Variants in AGTPBP1 observed in about 807,000 individuals in gnomAD.
AGTPBP1 encodes the protein cytosolic carboxypeptidase 1.
Under a neutral mutation model 143.9 loss-of-function variants are expected in AGTPBP1, and 70 were observed. That is an observed-to-expected ratio of 0.49 (90% confidence interval 0.40 to 0.59). The LOEUF (loss-of-function observed/expected upper bound fraction) is 0.59. Among genes scored for constraint, AGTPBP1 ranks in the 20% least tolerant of loss-of-function variants. AGTPBP1 has a pLI of 0.00. For synonymous variants in AGTPBP1, 463 were observed against 500.2 expected, an observed-to-expected ratio of 0.93 and a Z score of 0.99; for missense variants, 1,229 against 1,464.5, an observed-to-expected ratio of 0.84 and a Z score of 2.62.
At chr9:85,747,009 A>C (rs1824593161), upstream of AGTPBP1, among the ~76,000 whole-genome samples, 1 of 151,544 alleles carries the variant, frequency 6.6e-6, no homozygotes, top group South Asian at 2.1e-4. Flanking sequence ...GCATACCACC[A>C]CACCTGGCTA....
the AGTPBP1 span, among the ~76,000 whole-genome samples, chr9:85,797,375 C>T: frequency 2.3e-3 from 349 of 152,246 alleles, 1 homozygote; most frequent in African/African-American, 8.2e-3. Context: ...TCCCAAAATG[C>T]TGGGATTACA....
intron 25 of AGTPBP1, among the ~76,000 whole-genome samples, chr9:85,571,956 CAAAAG>C (rs889585097): frequency 1.5e-4 from 21 of 138,424 alleles, no homozygotes; most frequent in African/African-American, 5.1e-4. Flanking sequence ...AGTAAAATCT[CAAAAG>C]AAAACTGAAT....
chr9:85,741,448 G>C (rs1824267797), intron 1 of AGTPBP1: 1 of 985,184 alleles, frequency 1.0e-6, no homozygotes, highest in African/African-American at 1.7e-5. Flanking sequence ...AGAAAGGGCT[G>C]AGCAGAAAGG....
intron 25 of AGTPBP1, among the ~76,000 whole-genome samples, chr9:85,548,023 A>C (rs1198441964): frequency 1.3e-5 from 2 of 152,156 alleles, no homozygotes; most frequent in Non-Finnish European, 2.9e-5. Context: ...ACACCCCCCC[A>C]CACAAAATAT....
rs568637955 is a variant in AGTPBP1 at position 85,720,205 on chromosome 9, T to C, written c.-33-7639A>G. ...TGAGTTAGGGAGGATTCCCTCTTTT[T>C]CTATTGATTGGAACAGTTTCAGAAG... On this transcript the variant is annotated intron_variant, in intron 1 of 25. Coordinates refer to ENST00000357081, the MANE Select transcript of AGTPBP1 (RefSeq NM_001330701.2). Among the ~76,000 whole-genome samples, 6 of 152,346 alleles carry C rather than the reference T, an allele frequency of 3.9e-5. No homozygotes were observed. The East Asian group carries it at 1.2e-3, about 29-fold the overall frequency.
At chr9:85,737,950 T>C (rs1204632462) in intron 1 of AGTPBP1, among the ~76,000 whole-genome samples, 1 of 152,138 alleles carries the variant, frequency 6.6e-6, no homozygotes, top group Non-Finnish European at 1.5e-5. Context: ...CATATTGCAA[T>C]AGACTGGATG....
the AGTPBP1 span, among the ~76,000 whole-genome samples, chr9:85,795,613 G>A: frequency 6.6e-6 from 1 of 152,104 alleles, no homozygotes; most frequent in Non-Finnish European, 1.5e-5. Flanking sequence ...AAAGTAAAGA[G>A]GAATATAATG....
chr9:85,658,572 A>G (rs1189132387), intron 9 of AGTPBP1, among the ~76,000 whole-genome samples: 2 of 152,082 alleles, frequency 1.3e-5, no homozygotes, highest in Non-Finnish European at 2.9e-5. Context: ...ACAAGGAAAT[A>G]CTAATCTCTT....
chr9:85,694,871 C>CT (rs1836126757), intron 2 of AGTPBP1, among the ~76,000 whole-genome samples: 1 of 152,232 alleles, frequency 6.6e-6, no homozygotes, highest in Non-Finnish European at 1.5e-5. Flanking sequence ...CTCTTCCAAT[C>CT]TTAACCTTTA....
At chr9:85,586,019 C>A (rs1475009975) in intron 22 of AGTPBP1, among the ~76,000 whole-genome samples, 3 of 152,108 alleles carry the variant, frequency 2.0e-5, no homozygotes, top group Non-Finnish European at 4.4e-5. Flanking sequence ...TCGACGCCAG[C>A]CTGACCAACA....
chr9:85,762,448 A>C, the AGTPBP1 span, among the ~76,000 whole-genome samples: 1 of 152,240 alleles, frequency 6.6e-6, no homozygotes, highest in African/African-American at 2.4e-5. Context: ...GGCATAAAAA[A>C]TGATGAGTTC....
At chr9:85,758,712 G>A in the AGTPBP1 span, among the ~76,000 whole-genome samples, 2 of 152,126 alleles carry the variant, frequency 1.3e-5, no homozygotes, top group Admixed American at 6.5e-5. Flanking sequence ...CAAGTTAATA[G>A]AAAGTAGGAG....
At chr9:85,648,632 G>A (rs1287946619) in intron 11 of AGTPBP1, among the ~76,000 whole-genome samples, 2 of 152,160 alleles carry the variant, frequency 1.3e-5, no homozygotes, top group Non-Finnish European at 2.9e-5. Context: ...CTAACACAGT[G>A]AAACCCCGTC....
intron 13 of AGTPBP1, among the ~76,000 whole-genome samples, chr9:85,640,374 C>T (rs1172111419): frequency 6.6e-6 from 1 of 152,216 alleles, no homozygotes; most frequent in Non-Finnish European, 1.5e-5. Context: ...AGACGATATG[C>T]TATTTCCTAT....
intron 8 of AGTPBP1, among the ~76,000 whole-genome samples, chr9:85,664,114 T>C (rs1439233335): frequency 6.6e-6 from 1 of 152,120 alleles, no homozygotes; most frequent in Non-Finnish European, 1.5e-5. Context: ...TGAACTTACA[T>C]GTAACCAAAT....
chr9:85,592,175 TA>T (rs1829011568), intron 19 of AGTPBP1, among the ~76,000 whole-genome samples: 1 of 151,994 alleles, frequency 6.6e-6, no homozygotes, highest in South Asian at 2.1e-4. Flanking sequence ...CTCACCTGGT[TA>T]AAAATTGTAA....
intron 11 of AGTPBP1, among the ~76,000 whole-genome samples, chr9:85,651,295 G>A (rs781673015): frequency 1.3e-5 from 2 of 152,134 alleles, no homozygotes; most frequent in Non-Finnish European, 2.9e-5. Flanking sequence ...ATGGACTCCT[G>A]TTTAAGGATC....
At chr9:85,730,474 G>C (rs1461119293) in intron 1 of AGTPBP1, among the ~76,000 whole-genome samples, 1 of 152,112 alleles carries the variant, frequency 6.6e-6, no homozygotes, top group Non-Finnish European at 1.5e-5. Flanking sequence ...CTTTTCCAGG[G>C]ACCCACTCCT....
Position 85,619,287 on chromosome 9 carries a change from T to G in AGTPBP1, c.2114A>C (p.Glu705Ala), listed in dbSNP as rs752589261. The G allele has an allele frequency of 2.1e-5, 34 of 1,611,766 alleles. No individual in the cohort carries two copies. Among genetic ancestry groups the G allele is most frequent in the Non-Finnish European group, 8.5e-6 (10 of 1,178,664 alleles). ...DLDNPNYTIP[E>A]EGDILKFNSK... Reference sequence around the variant, plus strand: ...GTTAAATTTCAAAATATCTCCCTCTTCTGGAATGGTGTAACTAAATAAAAG... The same window carrying G: ...GTTAAATTTCAAAATATCTCCCTCTGCTGGAATGGTGTAACTAAATAAAAG... Residue 705 changes from glutamate to alanine, a missense_variant, in exon 16 of 26, where the codon GAA becomes GCA. By Grantham distance (107) the Glu-to-Ala change is moderately radical. This residue lies in a region of AGTPBP1 where 486 missense variants were observed against 652.3 expected (regional missense o/e 0.75). Transcript: ENST00000357081.
Sources: gnomAD v4.1 joint callset for allele counts (sites outside exome capture counted in the v4.1 genomes callset) on GRCh38, gnomAD v4.1.1 for gene constraint, gnomAD v4.1.1 regional missense constraint, MANE v1.5 for transcripts, NCBI Gene and HGNC (gene_info 2026-07-23, HGNC 2026-07-21) for gene names.